The following BMPR1B variants were observed in gnomAD, a reference collection of about 807,000 sequenced individuals.
BMPR1B encodes the protein bone morphogenetic protein receptor type-1B.
In BMPR1B, 12 loss-of-function variants were observed where a neutral mutation model predicts 59.1. That is an observed-to-expected ratio of 0.20 (90% CI 0.13 to 0.33). The LOEUF (loss-of-function observed/expected upper bound fraction) is 0.33. Among genes scored for constraint, BMPR1B ranks in the 10% least tolerant of loss-of-function variants. The pLI, the probability that BMPR1B is intolerant of heterozygous loss-of-function variation, is 1.00. For missense variants in BMPR1B, 550 were observed against 610.9 expected (o/e 0.90, Z 1.05); for synonymous variants, 237 against 207.3 (o/e 1.14, Z -1.23).
chr4:95,134,109 G>A (rs1464973798), intron 10 of BMPR1B, among the ~76,000 whole-genome samples: 1 of 152,114 alleles, frequency 6.6e-6, no homozygotes, highest in African/African-American at 2.4e-5. Context: ...ACATATGAGT[G>A]AGAACATGCG....
In BMPR1B at chr4:94,833,791, G is replaced by A. The variant is rs190637734; in HGVS notation, c.-182-42040G>A. ...CACATAGGCAAAGGATAAATATTTC[G>A]TGGGTGTGTGAGGTAGTGAGTGAAT... On this transcript the variant is annotated intron_variant, in intron 1 of 12. Transcript: ENST00000515059. Among the ~76,000 whole-genome samples, 15 of 152,250 alleles carry A rather than the reference G, an allele frequency of 9.9e-5. No homozygotes were observed. In the East Asian group the frequency reaches 2.5e-3, roughly 25 times the overall value.
rs1478242081 is a variant in BMPR1B at position 94,851,544 on chromosome 4, T to C, written c.-182-24287T>C. 4.6e-5 allele frequency among the ~76,000 whole-genome samples: 7 copies of C among 152,096 alleles called. No individual in the cohort carries two copies. The East Asian group carries it at 1.3e-3, about 29-fold the overall frequency. ...CATTAGAACATGTTTTTATCCTTGA[T>C]ATGAATTTACTTTTAGTCTATAATA... is the stretch of plus-strand genomic sequence containing the variant. On this transcript the variant is annotated intron_variant, in intron 1 of 12. Coordinates refer to ENST00000515059, the MANE Select transcript of BMPR1B (RefSeq NM_001203.3).
At chr4:95,073,963 A>G (rs1728516039) in intron 3 of BMPR1B, among the ~76,000 whole-genome samples, 1 of 152,294 alleles carries the variant, frequency 6.6e-6, no homozygotes, top group East Asian at 1.9e-4. Flanking sequence ...CTTGTTGTGA[A>G]TTGTCGAGAT....
At chr4:94,986,343 C>A (rs1441013916) in intron 2 of BMPR1B, among the ~76,000 whole-genome samples, 1 of 152,074 alleles carries the variant, frequency 6.6e-6, no homozygotes. Flanking sequence ...GGATGGAAAA[C>A]AAAACAAAAC....
intron 6 of BMPR1B, among the ~76,000 whole-genome samples, chr4:95,116,421 G>GCGCGCACGCGCACACACACACACACACA: frequency 1.6e-5 from 2 of 123,248 alleles, no homozygotes; most frequent in African/African-American, 7.2e-5. Context: ...TTCAGCGCGC[G>GCGCGCACGCGCACACACACACACACACA]CACACACACA....
chr4:94,840,760 A>C (rs552988815), intron 1 of BMPR1B, among the ~76,000 whole-genome samples: 1 of 148,126 alleles, frequency 6.8e-6, no homozygotes. Flanking sequence ...TCTTCTCTCA[A>C]CTTGTCAAAG....
intron 1 of BMPR1B, among the ~76,000 whole-genome samples, chr4:94,808,785 A>G (rs545107773): frequency 2.6e-5 from 4 of 152,128 alleles, no homozygotes; most frequent in South Asian, 2.1e-4. Context: ...GGCTGGGCGC[A>G]GTGGCTCACA....
At chr4:95,062,746 C>T (rs979485011) in intron 3 of BMPR1B, among the ~76,000 whole-genome samples, 8 of 152,122 alleles carry the variant, frequency 5.3e-5, no homozygotes, top group African/African-American at 1.9e-4. Flanking sequence ...TCTAGATTTA[C>T]ACATTTGATT....
chr4:94,843,411 C>G (rs960377212), intron 1 of BMPR1B, among the ~76,000 whole-genome samples: 5 of 152,168 alleles, frequency 3.3e-5, no homozygotes, highest in African/African-American at 1.2e-4. Flanking sequence ...TGTGCTGTAC[C>G]TTTTGAAGTC....
intron 3 of BMPR1B, among the ~76,000 whole-genome samples, chr4:95,077,613 A>T (rs1728810681): frequency 6.6e-6 from 1 of 152,146 alleles, no homozygotes; most frequent in Non-Finnish European, 1.5e-5. Context: ...TGAATGTGAT[A>T]TTTCCTATGT....
At chr4:94,890,771 C>G (rs558698335) in intron 2 of BMPR1B, among the ~76,000 whole-genome samples, 5 of 151,952 alleles carry the variant, frequency 3.3e-5, no homozygotes, top group South Asian at 4.2e-4. Flanking sequence ...GGTGGCTCTT[C>G]TTGTAAGGGC....
chr4:95,041,704 T>C (rs2149173026), intron 3 of BMPR1B, among the ~76,000 whole-genome samples: 1 of 152,208 alleles, frequency 6.6e-6, no homozygotes, highest in Admixed American at 6.5e-5. Flanking sequence ...AATGAATTCT[T>C]AACCAGTTCT....
chr4:95,056,925 A>G (rs943482888), intron 3 of BMPR1B, among the ~76,000 whole-genome samples: 26 of 152,374 alleles, frequency 1.7e-4, no homozygotes, highest in African/African-American at 5.3e-4. Context: ...AGTGCCATTT[A>G]GTTAAGTTTT....
intron 2 of BMPR1B, among the ~76,000 whole-genome samples, chr4:94,945,900 A>C (rs1388241663): frequency 6.6e-6 from 1 of 152,198 alleles, no homozygotes; most frequent in Non-Finnish European, 1.5e-5. Context: ...TGTGATGTGC[A>C]GAACAAACTA....
At chr4:94,780,680 G>A (rs4699690) in intron 1 of BMPR1B, among the ~76,000 whole-genome samples, 107,064 of 138,078 alleles carry the variant, frequency 0.78, 41,576 homozygotes, top group African/African-American at 0.85. Flanking sequence ...ATGTATTATT[G>A]TCTTTTTTTT....
At chr4:95,101,537 G>A (rs905281391) in intron 3 of BMPR1B, among the ~76,000 whole-genome samples, 10 of 151,958 alleles carry the variant, frequency 6.6e-5, no homozygotes, top group Non-Finnish European at 1.2e-4. Context: ...CTTTGATACC[G>A]TTTCTGGAGC....
intron 4 of BMPR1B, among the ~76,000 whole-genome samples, chr4:95,109,280 G>A (rs1273093461): frequency 6.6e-6 from 1 of 152,128 alleles, no homozygotes; most frequent in East Asian, 1.9e-4. Flanking sequence ...CAAATTGAAT[G>A]TTTGCACAAA....
Position 94,950,316 on chromosome 4 carries a change from CT to C in BMPR1B, c.-112-45715del, listed in dbSNP as rs571679518. 1.8e-4 allele frequency among the ~76,000 whole-genome samples: 27 copies of C among 150,752 alleles called. No individual in the cohort carries two copies. The South Asian group carries it at 2.1e-3, about 12-fold the overall frequency. ...ATTAGATCCCATTTGTCAATGTTGG[CT>C]TTTTTTTTGCAATTATTTTTGGTGT... On this transcript the variant is annotated intron_variant, in intron 2 of 12. Transcript: ENST00000515059.
intron 3 of BMPR1B, among the ~76,000 whole-genome samples, chr4:95,032,674 A>G (rs1317768043): frequency 2.6e-5 from 4 of 152,138 alleles, no homozygotes; most frequent in African/African-American, 9.7e-5. Flanking sequence ...CTTAAAGTTT[A>G]TCCATGTTGT....
Sources: allele counts gnomAD v4.1 joint callset (sites outside exome capture counted in the v4.1 genomes callset), GRCh38; gene constraint gnomAD v4.1.1; transcripts MANE v1.5; gene names NCBI Gene and HGNC (gene_info 2026-07-23, HGNC 2026-07-21).